Variants in FBXO22 observed in about 807,000 individuals in gnomAD.
FBXO22 encodes the protein F-box only protein 22.
Under a neutral mutation model 37.2 loss-of-function variants are expected in FBXO22, and 13 were observed. The ratio of observed to expected loss-of-function variants is 0.35; its 90% CI spans 0.23 to 0.56. The LOEUF is 0.56. FBXO22 is among the 20% of genes least tolerant of loss of function. The probability of loss-of-function intolerance (pLI) is 0.87; values close to 1 mark genes in which losing one functional copy is unlikely to be tolerated. For missense variants in FBXO22, 446 were observed against 509.9 expected (o/e 0.87, Z 1.21); for synonymous variants, 189 against 189.1 (o/e 1.00, Z 0.00).
intron 6 of FBXO22, among the ~76,000 whole-genome samples, chr15:75,932,292 A>C (rs2030055681): frequency 6.6e-6 from 1 of 152,336 alleles, no homozygotes; most frequent in East Asian, 1.9e-4. Flanking sequence ...GGGGGAAGAG[A>C]TGTTAATGTA....
chr15:75,938,112 CAAAGCTGATTTGT>C lies in FBXO22; in HGVS notation c.*5014_*5026del, dbSNP rs1211186156. 2.6e-5 allele frequency: 4 copies of C among 152,116 alleles called. 1 individual carries two copies. The highest frequency in any genetic ancestry group is 3.8e-4 in the East Asian group (2 of 5,202). 9.4% of individuals were successfully genotyped at this position (152,116 alleles called of 1,614,324 possible). A position where few individuals can be genotyped will look rare whatever the true frequency, so the allele number is the denominator to read the frequency against. On this transcript the variant is annotated 3_prime_UTR_variant, in exon 7 of 7. Transcript: ENST00000308275. ...GTAAGTATTGAAGGATTACCTGGGA[CAAAGCTGATTTGT>C]AAAATCTAGGATTGCTCCTAGCATT...
At position 75,925,414 on chromosome 15, in the gene FBXO22, A is replaced by C. The variant is rs897455333; in HGVS notation, c.629-4470A>C. 8.6e-5 allele frequency among the ~76,000 whole-genome samples: 13 copies of C among 151,368 alleles called. 1 individual carries two copies. The highest frequency in any genetic ancestry group is 2.9e-4 in the African/African-American group (12 of 41,066). ...GTTCTTTCTGCTCCCTGCTTTTTGA[A>C]CCTTTAACTACTTGTCTTGAATTCT... On this transcript the variant is annotated intron_variant, in intron 5 of 6. Transcript: ENST00000308275.
chr15:75,932,505 A>AT (rs1484572110), intron 6 of FBXO22, among the ~76,000 whole-genome samples, 180 bp from the exon 7 acceptor site: 4 of 152,276 alleles, frequency 2.6e-5, no homozygotes, highest in African/African-American at 9.6e-5. Context: ...TGCCTTGTGC[A>AT]TTTTTTATGT....
rs1345865961 is a variant in FBXO22, at chr15:75,937,482, C to T, written c.*4380C>T. ...CGAGATCGTGCCACTGCACTCCAGC[C>T]TGGGCAATGGAGCAAGACTCTGTCT... On this transcript the variant is annotated 3_prime_UTR_variant, in exon 7 of 7. Transcript: ENST00000308275. 8.0e-6 allele frequency: 1 copy of T among 125,360 alleles called. No homozygotes were observed. The highest frequency in any genetic ancestry group is 1.6e-5 in the Non-Finnish European group (1 of 63,380). The allele number at this position is 125,360 out of a possible 1,614,324, so 7.8% of individuals were successfully genotyped here.
chr15:75,933,739 T>C lies in FBXO22; in HGVS notation c.*637T>C. ...TCCTTAAAAATATTTTTTTTTCACCTAGGTCTAAATAGCTAACTAACTGGT... is the reference window on the plus strand; with the variant it reads ...TCCTTAAAAATATTTTTTTTTCACCCAGGTCTAAATAGCTAACTAACTGGT... On this transcript the variant is annotated 3_prime_UTR_variant, in exon 7 of 7. Transcript: ENST00000308275. 1 of 314,744 alleles carries C rather than the reference T, an allele frequency of 3.2e-6. No individual in the cohort carries two copies. Among genetic ancestry groups the C allele is most frequent in the Non-Finnish European group, 6.1e-6 (1 of 163,090 alleles). 19.5% of individuals were successfully genotyped at this position (314,744 alleles called of 1,614,324 possible).
chr15:75,926,190 A>G (rs1039196901), intron 5 of FBXO22, among the ~76,000 whole-genome samples: 1 of 152,248 alleles, frequency 6.6e-6, no homozygotes, highest in African/African-American at 2.4e-5. Context: ...ATCTGTAGTC[A>G]GATTCTATGG....
intron 6 of FBXO22, among the ~76,000 whole-genome samples, chr15:75,931,332 AC>A (rs1437540446): frequency 5.3e-5 from 8 of 152,058 alleles, no homozygotes; most frequent in Non-Finnish European, 1.2e-4. Context: ...TGGTCTTCAT[AC>A]TCTGTCAGTG....
At chr15:75,915,492 G>T (rs576054983) in intron 4 of FBXO22, among the ~76,000 whole-genome samples, 1 of 152,040 alleles carries the variant, frequency 6.6e-6, no homozygotes, top group Non-Finnish European at 1.5e-5. Flanking sequence ...TTGGCCTGGC[G>T]TGGTGGCTGA....
At chr15:75,929,330 TA>T (rs2029923630) in intron 5 of FBXO22, among the ~76,000 whole-genome samples, 1 of 152,016 alleles carries the variant, frequency 6.6e-6, no homozygotes, top group Non-Finnish European at 1.5e-5. Flanking sequence ...AAATTTTTTT[TA>T]AAGATCCTTT....
chr15:75,926,370 G>A (rs1227634161), intron 5 of FBXO22, among the ~76,000 whole-genome samples: 4 of 152,148 alleles, frequency 2.6e-5, no homozygotes, highest in South Asian at 2.1e-4. Flanking sequence ...GTTATTTACC[G>A]GTAGCACCAG....
At position 75,938,604 on chromosome 15, in the gene FBXO22, G is replaced by A. The variant is rs2030613070; in HGVS notation, c.*5502G>A. The A allele has an allele frequency of 6.6e-6, 1 of 152,060 alleles. No individual in the cohort carries two copies. Among genetic ancestry groups the A allele is most frequent in the African/African-American group, 2.4e-5 (1 of 41,406 alleles). 9.4% of individuals were successfully genotyped at this position (152,060 alleles called of 1,614,324 possible). ...AGATAGGCATTATAAAAAAATTCTGGCAGAGAAAAGTATAATAAATGAAAT... is the reference window on the plus strand; with the variant it reads ...AGATAGGCATTATAAAAAAATTCTGACAGAGAAAAGTATAATAAATGAAAT... On this transcript the variant is annotated 3_prime_UTR_variant, in exon 7 of 7. Transcript: ENST00000308275.
chr15:75,909,284 TG>T (rs1302047261), intron 2 of FBXO22, among the ~76,000 whole-genome samples: 1 of 152,090 alleles, frequency 6.6e-6, no homozygotes, highest in Non-Finnish European at 1.5e-5. Flanking sequence ...GAAAAGGTTT[TG>T]GAGAGGAGGT....
At chr15:75,921,032 T>C (rs370749301) in intron 5 of FBXO22, among the ~76,000 whole-genome samples, 1 of 152,184 alleles carries the variant, frequency 6.6e-6, no homozygotes, top group East Asian at 1.9e-4. Flanking sequence ...ACCTAGATGT[T>C]ACAGCCTACT....
At chr15:75,912,364 CT>C (rs1266539796) in intron 2 of FBXO22, among the ~76,000 whole-genome samples, 2 of 151,988 alleles carry the variant, frequency 1.3e-5, no homozygotes, top group African/African-American at 4.8e-5. Context: ...CTCTTTGTAC[CT>C]TTGGTAGAAT....
At position 75,935,951 on chromosome 15, in the gene FBXO22, C is replaced by G. The variant is rs1293852647; in HGVS notation, c.*2849C>G. On this transcript the variant is annotated 3_prime_UTR_variant, in exon 7 of 7. Coordinates refer to ENST00000308275, the MANE Select transcript of FBXO22 (RefSeq NM_147188.3). Reference sequence around the variant, plus strand: ...TACAGGCGCCCGCCACCGCGCCCGGCTAATTTTTTGTATTTTTAGTAGAGA... The same window carrying G: ...TACAGGCGCCCGCCACCGCGCCCGGGTAATTTTTTGTATTTTTAGTAGAGA... 1 of 151,968 alleles carries G rather than the reference C, an allele frequency of 6.6e-6. No individual in the cohort carries two copies. Among genetic ancestry groups the G allele is most frequent in the East Asian group, 1.9e-4 (1 of 5,176 alleles). 9.4% of individuals were successfully genotyped at this position (151,968 alleles called of 1,614,324 possible).
At chr15:75,904,271 G>T in intron 1 of FBXO22, 168 bp downstream of exon 1, 1 of 1,146,728 alleles carries the variant, frequency 8.7e-7, no homozygotes, top group Non-Finnish European at 1.2e-6. Flanking sequence ...CAGCCGTGGT[G>T]CCCCGGGGGG....
In FBXO22 at chr15:75,941,844, A is replaced by G. The variant is rs1320270185; in HGVS notation, c.*8742A>G. The G allele has an allele frequency of 6.6e-6, 1 of 151,896 alleles. No homozygotes were observed. Among genetic ancestry groups the G allele is most frequent in the African/African-American group, 2.4e-5 (1 of 41,324 alleles). The allele number at this position is 151,896 out of a possible 1,614,324, so 9.4% of individuals were successfully genotyped here. On this transcript the variant is annotated 3_prime_UTR_variant, in exon 7 of 7. Coordinates refer to ENST00000308275, the MANE Select transcript of FBXO22 (RefSeq NM_147188.3). ...GGAGGTGCATAGTGGTGACTGGTAC[A>G]TACAACGAATGTATTTAATGCCTTT...
At chr15:75,932,535 C>T in intron 6 of FBXO22, 150 bp from the exon 7 acceptor site, 8 of 635,372 alleles carry the variant, frequency 1.3e-5, no homozygotes, top group East Asian at 2.9e-5. Flanking sequence ...GATTTTTGAC[C>T]CTATTTTACT....
At chr15:75,929,242 C>G (rs1472068566) in intron 5 of FBXO22, among the ~76,000 whole-genome samples, 1 of 151,902 alleles carries the variant, frequency 6.6e-6, no homozygotes, top group African/African-American at 2.4e-5. Context: ...GGATTTAGAG[C>G]CCACGTGGAT....
Sources: gnomAD v4.1 joint callset for allele counts (sites outside exome capture counted in the v4.1 genomes callset) on GRCh38, gnomAD v4.1.1 for gene constraint, MANE v1.5 for transcripts, NCBI Gene and HGNC (gene_info 2026-07-23, HGNC 2026-07-21) for gene names.